Variants in CASP9 observed in about 807,000 individuals in gnomAD.
The protein encoded by CASP9 is caspase 9.
CASP9 carries 29 observed loss-of-function variants against 43.5 expected under a neutral mutation model. The ratio of observed to expected loss-of-function variants is 0.67; its 90% CI spans 0.50 to 0.91. CASP9 has a LOEUF of 0.91. Among genes scored for constraint, CASP9 ranks in the 40% least tolerant of loss-of-function variants. CASP9 has a pLI of 0.00. For synonymous variants in CASP9, 206 were observed against 211.9 expected, an observed-to-expected ratio of 0.97 and a Z score of 0.24; for missense variants, 575 against 537.4, an observed-to-expected ratio of 1.07 and a Z score of -0.69.
At chr1:15,511,695 T>C (rs540510191) in intron 2 of CASP9, among the ~76,000 whole-genome samples, 8 of 152,274 alleles carry the variant, frequency 5.3e-5, no homozygotes, top group South Asian at 2.1e-4. Flanking sequence ...TGAGCCACCA[T>C]GCCCAGCCTA....
In CASP9 at chr1:15,518,353, T is replaced by C. The variant is rs751440066; in HGVS notation, c.175A>G (p.Ile59Val). The change falls in exon 2 of 9, where the codon ATC becomes GTC. Residue 59 changes from isoleucine (I) to valine (V), a missense_variant. Coordinates refer to ENST00000333868, the MANE Select transcript of CASP9 (RefSeq NM_001229.5). Reference protein sequence around the residue: ...GSRRDQARQLIIDLETRGSQA... With the variant: ...GSRRDQARQLVIDLETRGSQA... ...CTCCCTCGAGTCTCCAGATCTATGA[T>C]CAGCTGCCTGGCCTGATCCCGCCGA... is the stretch of plus-strand genomic sequence containing the variant. 2.0e-5 allele frequency: 32 copies of C among 1,613,882 alleles called. No homozygotes were observed. Among genetic ancestry groups the C allele is most frequent in the Non-Finnish European group, 2.6e-5 (31 of 1,180,012 alleles).
chr1:15,524,069 C>A lies in CASP9; in HGVS notation c.132G>T (p.Gln44His). The A allele has an allele frequency of 6.8e-7, 1 of 1,462,728 alleles. No individual in the cohort carries two copies. The highest frequency in any genetic ancestry group is 2.3e-5 in the Admixed American group (1 of 43,186). The allele number at this position is 1,462,728 out of a possible 1,614,324, so 90.6% of individuals were successfully genotyped here. ...LFRPHMIEDI[Q>H]RAGSGSRRDQ... is the part of the protein sequence containing the mutation. ...CGGGGACAGGGGGCCGGGGGCGCAC[C>A]TGGATGTCCTCGATCATATGGGGCC... is the stretch of plus-strand genomic sequence containing the variant. The change falls in exon 1 of 9, where the codon CAG becomes CAT. Residue 44 changes from glutamine to histidine, a missense_variant and splice_region_variant. Physicochemically the swap from Gln to His is conservative, Grantham distance 24. Coordinates refer to ENST00000333868, the MANE Select transcript of CASP9 (RefSeq NM_001229.5).
At chr1:15,504,853 G>A in intron 5 of CASP9, 95 bp from the exon 6 acceptor site, 1 of 1,296,992 alleles carries the variant, frequency 7.7e-7, no homozygotes, top group Middle Eastern at 2.1e-4. Flanking sequence ...GGATTTGGAA[G>A]GTCAAAGCCA....
At chr1:15,506,769 G>A (rs985003442) in intron 4 of CASP9, 130 bp downstream of exon 4, 9 of 750,696 alleles carry the variant, frequency 1.2e-5, no homozygotes, top group African/African-American at 7.0e-5. Flanking sequence ...CCGCTGGGCC[G>A]TCCTACCTCC....
At chr1:15,510,684 G>A (rs1709721055) in intron 2 of CASP9, among the ~76,000 whole-genome samples, 1 of 152,102 alleles carries the variant, frequency 6.6e-6, no homozygotes, top group Non-Finnish European at 1.5e-5. Context: ...AGAGGCCCCG[G>A]CATGAGCAAA....
chr1:15,493,516 G>A, intron 8 of CASP9: 2 of 1,351,574 alleles, frequency 1.5e-6, no homozygotes, highest in Admixed American at 3.2e-5. Context: ...AATTCTTGAG[G>A]GTCAAGAGTA....
At chr1:15,498,558 G>A (rs1372747646) in intron 6 of CASP9, among the ~76,000 whole-genome samples, 2 of 151,930 alleles carry the variant, frequency 1.3e-5, no homozygotes, top group African/African-American at 4.8e-5. Flanking sequence ...ATATAGTTGA[G>A]GAAACTGTCC....
chr1:15,500,539 C>G (rs1327556717), intron 6 of CASP9, among the ~76,000 whole-genome samples: 5 of 152,226 alleles, frequency 3.3e-5, no homozygotes, highest in African/African-American at 1.2e-4. Flanking sequence ...GCGCGGAATT[C>G]TGCCCCATGT....
At chr1:15,496,038 T>G (rs1411126225) in intron 6 of CASP9, among the ~76,000 whole-genome samples, 1 of 152,212 alleles carries the variant, frequency 6.6e-6, no homozygotes, top group Admixed American at 6.5e-5. Flanking sequence ...AACCCTAAAA[T>G]TCATGTTCAG....
At chr1:15,497,705 T>G (rs1315061932) in intron 6 of CASP9, among the ~76,000 whole-genome samples, 1 of 151,826 alleles carries the variant, frequency 6.6e-6, no homozygotes, top group Admixed American at 6.6e-5. Flanking sequence ...ATTAGAAAAC[T>G]TAAAGATCTC....
chr1:15,523,897 T>A (rs961547230), intron 1 of CASP9, among the ~76,000 whole-genome samples, 172 bp downstream of exon 1: 1 of 151,928 alleles, frequency 6.6e-6, no homozygotes, highest in Non-Finnish European at 1.5e-5. Flanking sequence ...GTACGCTGAC[T>A]GAGTATGGCA....
chr1:15,506,572 G>C (rs1319580423), intron 4 of CASP9, among the ~76,000 whole-genome samples: 1 of 152,062 alleles, frequency 6.6e-6, no homozygotes, highest in Non-Finnish European at 1.5e-5. Context: ...AGTCGTAATA[G>C]CCACCATTTT....
intron 6 of CASP9, among the ~76,000 whole-genome samples, 187 bp from the exon 7 acceptor site, chr1:15,495,639 G>A (rs534531048): frequency 5.9e-5 from 9 of 152,230 alleles, no homozygotes; most frequent in Admixed American, 2.6e-4. Context: ...CTGCCTCCCC[G>A]TTTTGGTTCC....
chr1:15,493,949 C>T lies in CASP9; in HGVS notation c.1101G>A (p.Leu367=), dbSNP rs1437478067. 6.2e-7 allele frequency: 1 copy of T among 1,605,112 alleles called. No individual in the cohort carries two copies. Among genetic ancestry groups the T allele is most frequent in the South Asian group, 1.1e-5 (1 of 89,494 alleles). ...GAGCCCACTGCTCAAAGATGTCGTC[C>T]AGGGTCTCAACGTACCAGGAGCCAC... ...PKSGSWYVET[L]DDIFEQWAHS... is the part of the protein sequence containing the mutation. Residue 367 remains leucine (L), a synonymous_variant, in exon 8 of 9, where the codon CTG becomes CTA. Transcript: ENST00000333868.
At chr1:15,524,014 C>T in intron 1 of CASP9, 55 bp downstream of exon 1, 3 of 1,331,662 alleles carry the variant, frequency 2.3e-6, no homozygotes, top group Non-Finnish European at 3.0e-6. Flanking sequence ...AACGCCTCCT[C>T]GAGGGGCGTG....
In CASP9 at chr1:15,491,597, A is replaced by C. The variant is rs1425774888; in HGVS notation, c.*1346T>G. On this transcript the variant is annotated 3_prime_UTR_variant, in exon 9 of 9. Transcript: ENST00000333868. ...ACATGGCATAACTCTGTCTCTACTA[A>C]AAATACAAAAATTAACTGGGAGAGG... 1 of 366,558 alleles carries C rather than the reference A, an allele frequency of 2.7e-6. No individual in the cohort carries two copies. Among genetic ancestry groups the C allele is most frequent in the African/African-American group, 2.1e-5 (1 of 48,594 alleles). 22.7% of individuals were successfully genotyped at this position (366,558 alleles called of 1,614,324 possible). A position where few individuals can be genotyped will look rare whatever the true frequency, so the allele number is the denominator to read the frequency against.
intron 8 of CASP9, chr1:15,493,506 A>G: frequency 5.2e-6 from 7 of 1,338,184 alleles, no homozygotes; most frequent in Non-Finnish European, 6.7e-6. Context: ...AGGGGTTCAC[A>G]ATTCTTGAGG....
intron 2 of CASP9, among the ~76,000 whole-genome samples, chr1:15,517,241 T>A (rs1267456659): frequency 6.6e-6 from 1 of 151,976 alleles, no homozygotes; most frequent in Non-Finnish European, 1.5e-5. Context: ...CATGTAGAAA[T>A]TAAAAAGAAT....
At chr1:15,505,222 A>C (rs1709473479) in intron 5 of CASP9, among the ~76,000 whole-genome samples, 1 of 151,968 alleles carries the variant, frequency 6.6e-6, no homozygotes, top group Admixed American at 6.6e-5. Context: ...TCACCTGGAA[A>C]CCTTGTTGCT....
Sources: gnomAD v4.1 joint callset for allele counts (sites outside exome capture counted in the v4.1 genomes callset) on GRCh38, gnomAD v4.1.1 for gene constraint, MANE v1.5 for transcripts, NCBI Gene and HGNC (gene_info 2026-07-23, HGNC 2026-07-21) for gene names.